Variants in QARS1 observed in about 807,000 individuals in gnomAD.
The protein encoded by QARS1 is glutamine--tRNA ligase.
A neutral mutation model predicts 106.9 loss-of-function variants in QARS1; 79 were observed. The ratio of observed to expected loss-of-function variants is 0.74; its 90% CI spans 0.62 to 0.89. QARS1 has a LOEUF of 0.89. QARS1 is among the 40% of genes least tolerant of loss of function. The pLI is 0.00. For synonymous variants in QARS1, 395 were observed against 367.7 expected, an observed-to-expected ratio of 1.07 and a Z score of -0.85; for missense variants, 966 against 997.2, an observed-to-expected ratio of 0.97 and a Z score of 0.42.
chr3:49,102,030 C>T (rs1275250505), intron 7 of QARS1, 131 bp from the exon 8 acceptor site: 18 of 1,282,916 alleles, frequency 1.4e-5, no homozygotes, highest in Non-Finnish European at 2.0e-5. Flanking sequence ...ACATCTGAGG[C>T]CTCTCATGCC....
chr3:49,100,806 T>C (rs2042460942), intron 10 of QARS1, 132 bp from the exon 11 acceptor site: 1 of 783,896 alleles, frequency 1.3e-6, no homozygotes, highest in Admixed American at 2.0e-5. Context: ...GTCTTGATTA[T>C]CTTGCACCAT....
At chr3:49,096,402 G>A (rs540072915) in intron 23 of QARS1, among the ~76,000 whole-genome samples, 2 of 152,180 alleles carry the variant, frequency 1.3e-5, no homozygotes, top group Non-Finnish European at 2.9e-5. Flanking sequence ...AGTGGCTCAC[G>A]CCTGTAATCT....
chr3:49,104,508 C>G, intron 1 of QARS1, 37 bp from the exon 2 acceptor site: 1 of 1,611,014 alleles, frequency 6.2e-7, no homozygotes, highest in Non-Finnish European at 8.5e-7. Context: ...GCCCCGCGCT[C>G]AGTGAGAGGA....
At chr3:49,099,016 T>G (rs368042558) in intron 18 of QARS1, 27 bp from the exon 19 acceptor site, 1 of 1,612,516 alleles carries the variant, frequency 6.2e-7, no homozygotes, top group East Asian at 2.2e-5. Context: ...GAGACAGGTA[T>G]GAGTCATACT....
rs780425275 is a variant in QARS1, at chr3:49,099,673, C to T, written c.1389-26G>A. 32 of 1,612,678 alleles carry T rather than the reference C, an allele frequency of 2.0e-5. No individual in the cohort carries two copies. In the South Asian group the frequency reaches 2.6e-4, roughly 13 times the overall value. On this transcript the variant is annotated intron_variant, in intron 15 of 23. Transcript: ENST00000306125. Reference sequence around the variant, plus strand: ...CTGGGGTGGGAGAGTAGGGTTAGCACTGGCCAGCTCTGGAACCAGGCAGAG... The same window carrying T: ...CTGGGGTGGGAGAGTAGGGTTAGCATTGGCCAGCTCTGGAACCAGGCAGAG...
intron 19 of QARS1, 53 bp from the exon 20 acceptor site, chr3:49,098,745 G>A: frequency 6.5e-7 from 1 of 1,529,924 alleles, no homozygotes; most frequent in Non-Finnish European, 8.9e-7. Flanking sequence ...CAAACAAGTG[G>A]GGAAGCTTCC....
chr3:49,100,857 C>G (rs1429117865), intron 10 of QARS1, 183 bp from the exon 11 acceptor site: 1 of 692,258 alleles, frequency 1.4e-6, no homozygotes, highest in African/African-American at 1.8e-5. Context: ...TTTCTCCTGC[C>G]TCAGCTTCCC....
intron 9 of QARS1, 70 bp downstream of exon 9, chr3:49,101,550 T>C (rs968589806): frequency 1.3e-6 from 2 of 1,583,930 alleles, no homozygotes; most frequent in Non-Finnish European, 1.7e-6. Flanking sequence ...GATGGGGCAG[T>C]ATGGACGCAG....
chr3:49,098,283 C>A lies in QARS1; in HGVS notation c.2085-25G>T, dbSNP rs759914821. The A allele has an allele frequency of 5.6e-6, 9 of 1,614,056 alleles. No homozygotes were observed. The South Asian group carries it at 7.7e-5, about 14-fold the overall frequency. On this transcript the variant is annotated intron_variant, in intron 21 of 23. Transcript: ENST00000306125. ...TCTGCAGCCAAAGTGAAGGTCATACCCCCAGCTGGGCAGCCATAGCAGGCA... is the reference window on the plus strand; with the variant it reads ...TCTGCAGCCAAAGTGAAGGTCATACACCCAGCTGGGCAGCCATAGCAGGCA...
intron 9 of QARS1, 25 bp downstream of exon 9, chr3:49,101,595 C>T: frequency 6.2e-7 from 1 of 1,612,386 alleles, no homozygotes; most frequent in Non-Finnish European, 8.5e-7. Context: ...ATGGCACAAG[C>T]TCACATGGCC....
chr3:49,104,120 G>A (rs761332746), intron 2 of QARS1, 148 bp from the exon 3 acceptor site: 1 of 1,118,280 alleles, frequency 8.9e-7, no homozygotes, highest in Non-Finnish European at 1.3e-6. Flanking sequence ...AGGGAAGAAA[G>A]AAGCACGTGT....
rs1234673016 is a variant in QARS1 at position 49,098,036 on chromosome 3, G to A, written c.2233C>T (p.Arg745Cys). Residue 745 changes from arginine (R) to cysteine (C), a missense_variant, in exon 23 of 24, where the codon CGT becomes TGT. Transcript: ENST00000306125. ...AKPFDKFQFERLGYFSVDPDS... is the reference protein window; with the variant it reads ...AKPFDKFQFECLGYFSVDPDS... ...GGATCCACGGAGAAATATCCAAGAC[G>A]CTCAAACTGGAACTTGTCGAAGGGT... 3.7e-6 allele frequency: 6 copies of A among 1,614,022 alleles called. No homozygotes were observed. The highest frequency in any genetic ancestry group is 1.3e-5 in the African/African-American group (1 of 74,920).
At chr3:49,097,065 G>C (rs2042402936) in intron 23 of QARS1, 1 of 151,878 alleles carries the variant, frequency 6.6e-6, no homozygotes, top group African/African-American at 2.4e-5. Flanking sequence ...CACTCTAGGA[G>C]GCTGAGACAG....
intron 9 of QARS1, 42 bp downstream of exon 9, chr3:49,101,578 G>C: frequency 1.2e-6 from 2 of 1,608,122 alleles, no homozygotes; most frequent in Non-Finnish European, 1.7e-6. Flanking sequence ...ACTCAGGCAG[G>C]TGTTTGATGG....
At position 49,103,413 on chromosome 3, in the gene QARS1, G is replaced by T. The variant is rs759329857; in HGVS notation, c.452-4C>A. 1.2e-6 allele frequency: 2 copies of T among 1,613,934 alleles called. No homozygotes were observed. The highest frequency in any genetic ancestry group is 2.7e-5 in the African/African-American group (2 of 74,898). On this transcript the variant is annotated splice_polypyrimidine_tract_variant and splice_region_variant and intron_variant, in intron 4 of 23. Coordinates refer to ENST00000306125, the MANE Select transcript of QARS1 (RefSeq NM_005051.3). The stretch of plus-strand genomic sequence containing the variant: ...TTCAGCACAGCCCGAGCCTCTCCTA[G>T]AAGCATAGGCACAAGGAGCTGCAGA...
intron 11 of QARS1, 43 bp from the exon 12 acceptor site, chr3:49,100,501 A>T: frequency 6.2e-7 from 1 of 1,607,104 alleles, no homozygotes; most frequent in Middle Eastern, 1.7e-4. Flanking sequence ...AGCCACAAAC[A>T]CCCAGTGGGC....
intron 9 of QARS1, 74 bp downstream of exon 9, chr3:49,101,546 G>T: frequency 6.3e-7 from 1 of 1,580,806 alleles, no homozygotes; most frequent in Non-Finnish European, 8.7e-7. Context: ...GTGAGATGGG[G>T]CAGTATGGAC....
Position 49,102,474 on chromosome 3 carries a change from T to G in QARS1, c.517-2A>C. 6.2e-7 allele frequency: 1 copy of G among 1,614,176 alleles called. No individual in the cohort carries two copies. Among genetic ancestry groups the G allele is most frequent in the Non-Finnish European group, 8.5e-7 (1 of 1,180,022 alleles). On this transcript the variant is annotated splice_acceptor_variant, in intron 5 of 23. Coordinates refer to ENST00000306125, the MANE Select transcript of QARS1 (RefSeq NM_005051.3). LOFTEE classifies it high-confidence loss of function. ...CTTGGGGCCCAGAAGGTGGAGGACC[T>G]GAGCAGAGACCAGAATCAGGCAGAG...
Position 49,104,420 on chromosome 3 carries a change from A to G in QARS1, c.169T>C (p.Tyr57His), listed in dbSNP as rs587777333. Residue 57 changes from tyrosine to histidine, a missense_variant, in exon 2 of 24, where the codon TAT becomes CAT. Coordinates refer to ENST00000306125, the MANE Select transcript of QARS1 (RefSeq NM_005051.3). The stretch of plus-strand genomic sequence containing the variant: ...TCCCTGAGTCGGGAGGCCAAGCCAT[A>G]TAACAGGATCCCGGTAGCTTTGTCA... ...TIDKATGILL[Y>H]GLASRLRDTR... 2.5e-6 allele frequency: 4 copies of G among 1,614,216 alleles called. No homozygotes were observed. The highest frequency in any genetic ancestry group is 3.4e-6 in the Non-Finnish European group (4 of 1,180,032).
Sources: gnomAD v4.1 joint callset for allele counts (sites outside exome capture counted in the v4.1 genomes callset) on GRCh38, gnomAD v4.1.1 for gene constraint, MANE v1.5 for transcripts, NCBI Gene and HGNC (gene_info 2026-07-23, HGNC 2026-07-21) for gene names.